Variants in PCDHA9 observed in about 807,000 individuals in gnomAD.
PCDHA9 encodes the protein protocadherin alpha-9.
PCDHA9 carries 62 observed loss-of-function variants against 62.0 expected under a neutral mutation model. The ratio of observed to expected loss-of-function variants is 1.00; its 90% CI spans 0.81 to 1.23. The LOEUF is 1.23. PCDHA9 is among the 50% of genes most tolerant of loss of function. PCDHA9 has a pLI of 0.00. For synonymous variants in PCDHA9, 557 were observed against 567.6 expected, an observed-to-expected ratio of 0.98 and a Z score of 0.27; for missense variants, 1,205 against 1,249.8, an observed-to-expected ratio of 0.96 and a Z score of 0.54.
chr5:141,003,654 A>G (rs1451170896), intron 3 of PCDHA9, among the ~76,000 whole-genome samples: 1 of 152,212 alleles, frequency 6.6e-6, no homozygotes, highest in Non-Finnish European at 1.5e-5. Flanking sequence ...ATCTGTATGC[A>G]TTTATTAAAA....
chr5:140,920,137 T>C (rs182001221), intron 1 of PCDHA9, among the ~76,000 whole-genome samples: 29 of 152,242 alleles, frequency 1.9e-4, no homozygotes, highest in Admixed American at 1.8e-3. Flanking sequence ...TTAATTCTCC[T>C]CTCCAAACCT....
chr5:140,966,499 A>AGCG (rs1178498918), intron 1 of PCDHA9: 4 of 431,834 alleles, frequency 9.3e-6, no homozygotes, highest in Non-Finnish European at 1.6e-5. Flanking sequence ...CTGGAGCTGT[A>AGCG]GCGGCAGCAG....
In PCDHA9 at chr5:140,852,902, A is replaced by ATG. The variant is rs1554146177; in HGVS notation, c.2394+2013_2394+2014insTG. The stretch of plus-strand genomic sequence containing the variant: ...TAAAACGTATTTTTTTTTTTGAGTC[A>ATG]GAGTCTCGCTCTGTTGCCCAGGCTG... On this transcript the variant is annotated intron_variant, in intron 1 of 3. Transcript: ENST00000532602. 5.3e-4 allele frequency: 438 copies of ATG among 830,724 alleles called. 11 individuals carry two copies. In the South Asian group the frequency reaches 0.021, roughly 39 times the overall value. 51.5% of individuals were successfully genotyped at this position (830,724 alleles called of 1,614,324 possible).
intron 1 of PCDHA9, among the ~76,000 whole-genome samples, chr5:140,895,655 A>G (rs2065093360): frequency 6.6e-6 from 1 of 152,154 alleles, no homozygotes. Context: ...TCCCACTTAT[A>G]AGTGAGAACA....
intron 2 of PCDHA9, among the ~76,000 whole-genome samples, chr5:140,982,016 A>C (rs2096962660): frequency 6.6e-6 from 1 of 152,260 alleles, no homozygotes; most frequent in African/African-American, 2.4e-5. Context: ...TTAGATAGCC[A>C]AATTGGAACA....
At chr5:140,949,816 A>G (rs1223140568) in intron 1 of PCDHA9, among the ~76,000 whole-genome samples, 2 of 151,532 alleles carry the variant, frequency 1.3e-5, no homozygotes, top group African/African-American at 4.8e-5. Context: ...TTTGCTTTCT[A>G]TTTGTCCCCT....
At chr5:140,883,324 C>A (rs782213205) in intron 1 of PCDHA9, 1 of 1,614,166 alleles carries the variant, frequency 6.2e-7, no homozygotes, top group Non-Finnish European at 8.5e-7. Context: ...AGGTTACCAT[C>A]ACTTCTTTGT....
chr5:140,957,736 C>T (rs1001757062), intron 1 of PCDHA9, among the ~76,000 whole-genome samples: 3 of 151,944 alleles, frequency 2.0e-5, no homozygotes, highest in Non-Finnish European at 4.4e-5. Context: ...ATTATATATA[C>T]TGACATGAAA....
chr5:140,871,082 C>T, intron 1 of PCDHA9: 1 of 1,613,246 alleles, frequency 6.2e-7, no homozygotes, highest in Non-Finnish European at 8.5e-7. Context: ...GCGCTGACGG[C>T]CACGGCCACC....
At chr5:140,862,662 C>A (rs1365074780) in intron 1 of PCDHA9, 3 of 546,742 alleles carry the variant, frequency 5.5e-6, no homozygotes, top group South Asian at 1.4e-5. Flanking sequence ...GGGACCGGGA[C>A]GCGCAGGAGA....
intron 3 of PCDHA9, among the ~76,000 whole-genome samples, chr5:140,994,608 G>C (rs1231327885): frequency 1.3e-5 from 2 of 152,098 alleles, no homozygotes; most frequent in Admixed American, 1.3e-4. Context: ...GGGAGGCTGA[G>C]GCACGAGAGT....
chr5:141,009,975 GTAA>G lies in PCDHA9; in HGVS notation c.*43_*45del. The G allele has an allele frequency of 6.3e-7, 1 of 1,585,060 alleles. No individual in the cohort carries two copies. Among genetic ancestry groups the G allele is most frequent in the Non-Finnish European group, 8.6e-7 (1 of 1,168,878 alleles). ...GAAACAAGCCACTTAGCCAGTTTTT[GTAA>G]TAATGGCAAATCTCTCCCATGTAGC... On this transcript the variant is annotated 3_prime_UTR_variant, in exon 4 of 4. Coordinates refer to ENST00000532602, the MANE Select transcript of PCDHA9 (RefSeq NM_031857.2).
intron 1 of PCDHA9, among the ~76,000 whole-genome samples, chr5:140,888,156 A>G (rs556908449): frequency 6.6e-6 from 1 of 152,182 alleles, no homozygotes; most frequent in African/African-American, 2.4e-5. Flanking sequence ...CATGACTGGT[A>G]ATCTCTAATA....
chr5:140,967,636 T>G, intron 1 of PCDHA9: 2 of 1,614,138 alleles, frequency 1.2e-6, no homozygotes, highest in Non-Finnish European at 1.7e-6. Context: ...GCTCCAATGG[T>G]GAGCTCAGGT....
chr5:140,848,400 G>T lies in PCDHA9; in HGVS notation c.-96G>T. On this transcript the variant is annotated 5_prime_UTR_variant, in exon 1 of 4. Transcript: ENST00000532602. ...CTTTTTCACTCTCTCTGTGCTGAAC[G>T]ATGGCGAACACAGCAGAATGGGACT... 7.7e-7 allele frequency: 1 copy of T among 1,298,514 alleles called. No individual in the cohort carries two copies. The allele number at this position is 1,298,514 out of a possible 1,614,324, so 80.4% of individuals were successfully genotyped here.
At chr5:140,934,430 G>A (rs1249557283) in intron 1 of PCDHA9, among the ~76,000 whole-genome samples, 1 of 152,108 alleles carries the variant, frequency 6.6e-6, no homozygotes, top group Non-Finnish European at 1.5e-5. Context: ...CAATGCAAGT[G>A]TAAATATAGT....
chr5:140,938,026 A>T (rs2091889452), intron 1 of PCDHA9, among the ~76,000 whole-genome samples: 1 of 152,144 alleles, frequency 6.6e-6, no homozygotes, highest in Non-Finnish European at 1.5e-5. Context: ...GTAAAATCTC[A>T]TATTTTTATA....
chr5:140,870,654 C>T lies in PCDHA9; in HGVS notation c.2394+19765C>T, dbSNP rs781878209. 10 of 1,612,444 alleles carry T rather than the reference C, an allele frequency of 6.2e-6. No homozygotes were observed. The African/African-American group carries it at 8.0e-5, about 13-fold the overall frequency. ...TGCACGCGGAGAGCGGCAAGGTGTACGCGCTGCAGCCGTTGGACCACGAGG... is the reference window on the plus strand; with the variant it reads ...TGCACGCGGAGAGCGGCAAGGTGTATGCGCTGCAGCCGTTGGACCACGAGG... On this transcript the variant is annotated intron_variant, in intron 1 of 3. Transcript: ENST00000532602.
At chr5:140,877,277 G>A in intron 1 of PCDHA9, 1 of 1,613,830 alleles carries the variant, frequency 6.2e-7, no homozygotes, top group South Asian at 1.1e-5. Context: ...GCTGACTCCG[G>A]CTATAACGCT....
Sources: gnomAD v4.1 joint callset for allele counts (sites outside exome capture counted in the v4.1 genomes callset) on GRCh38, gnomAD v4.1.1 for gene constraint, MANE v1.5 for transcripts, NCBI Gene and HGNC (gene_info 2026-07-23, HGNC 2026-07-21) for gene names.